The following RTN4RL1 variants were observed in gnomAD, a reference collection of about 807,000 sequenced individuals.
RTN4RL1 encodes reticulon-4 receptor-like 1.
Under a neutral mutation model 25.6 loss-of-function variants are expected in RTN4RL1, and 7 were observed. The ratio of observed to expected loss-of-function variants is 0.27; its 90% CI spans 0.16 to 0.51. RTN4RL1 has a LOEUF of 0.51. RTN4RL1 is among the 20% of genes least tolerant of loss of function. The probability of loss-of-function intolerance (pLI) is 0.97; values close to 1 mark genes in which losing one functional copy is unlikely to be tolerated. For missense variants in RTN4RL1, 500 were observed against 615.6 expected, an observed-to-expected ratio of 0.81 and a Z score of 1.99; for synonymous variants, 297 against 288.2, an observed-to-expected ratio of 1.03 and a Z score of -0.31.
intron 1 of RTN4RL1, among the ~76,000 whole-genome samples, chr17:1,970,901 T>C (rs916959896): frequency 6.6e-6 from 1 of 152,174 alleles, no homozygotes; most frequent in African/African-American, 2.4e-5. Flanking sequence ...ATGAAAGCTG[T>C]AGGAGACCCT....
At chr17:2,006,749 T>TA (rs2151324599) in intron 1 of RTN4RL1, among the ~76,000 whole-genome samples, 1 of 152,356 alleles carries the variant, frequency 6.6e-6, no homozygotes, top group South Asian at 2.1e-4. Context: ...GCCTCCTGAG[T>TA]AGCTAGGATT....
chr17:2,005,738 T>TC (rs1491554898), intron 1 of RTN4RL1, among the ~76,000 whole-genome samples: 41 of 114,770 alleles, frequency 3.6e-4, no homozygotes, highest in East Asian at 6.5e-4. Flanking sequence ...TCTCTCTCTC[T>TC]TTCTCTCTCT....
chr17:2,023,435 T>C (rs1465195987), intron 1 of RTN4RL1, among the ~76,000 whole-genome samples: 1 of 152,164 alleles, frequency 6.6e-6, no homozygotes, highest in Non-Finnish European at 1.5e-5. Flanking sequence ...CGTTTCCCCC[T>C]GAACTGCACC....
At chr17:1,964,916 G>A (rs2151311194) in intron 1 of RTN4RL1, among the ~76,000 whole-genome samples, 1 of 148,078 alleles carries the variant, frequency 6.8e-6, no homozygotes, top group South Asian at 2.2e-4. Context: ...AGCCCTCTGA[G>A]TAACTGGGAC....
At position 1,936,455 on chromosome 17, in the gene RTN4RL1, G is replaced by C; in HGVS notation, c.*41C>G. ...AAGAAGAAAATAAATTCTGTTCCTT[G>C]GTGGACATGTGGCAGTGCTGGGTGC... On this transcript the variant is annotated 3_prime_UTR_variant, in exon 2 of 2. Transcript: ENST00000331238. 6.7e-7 allele frequency: 1 copy of C among 1,497,322 alleles called. No homozygotes were observed. Among genetic ancestry groups the C allele is most frequent in the Non-Finnish European group, 8.8e-7 (1 of 1,132,990 alleles). The allele number at this position is 1,497,322 out of a possible 1,614,324, so 92.8% of individuals were successfully genotyped here. A position where few individuals can be genotyped will look rare whatever the true frequency, so the allele number is the denominator to read the frequency against.
chr17:1,994,081 C>T lies in RTN4RL1; in HGVS notation c.13+30772G>A, dbSNP rs535025764. ...CTGAACCACCCCGTTCCTCAGGACA[C>T]GTGCACTCGAACCTCGCCGCTCCGG... On this transcript the variant is annotated intron_variant, in intron 1 of 1. Coordinates refer to ENST00000331238, the MANE Select transcript of RTN4RL1 (RefSeq NM_178568.4). The surrounding 1 kb of genome is among the most constrained non-coding windows in gnomAD (Gnocchi z 4.3). 2.0e-5 allele frequency among the ~76,000 whole-genome samples: 3 copies of T among 152,218 alleles called. No individual in the cohort carries two copies. The highest frequency in any genetic ancestry group is 1.9e-4 in the East Asian group (1 of 5,176).
chr17:1,972,771 G>A (rs1027019910), intron 1 of RTN4RL1, among the ~76,000 whole-genome samples: 7 of 152,264 alleles, frequency 4.6e-5, no homozygotes, highest in East Asian at 3.9e-4. Context: ...TGGCATCAAC[G>A]CTAACTGTTC....
chr17:1,983,495 C>T (rs2066875907), intron 1 of RTN4RL1, among the ~76,000 whole-genome samples: 1 of 152,234 alleles, frequency 6.6e-6, no homozygotes, highest in Non-Finnish European at 1.5e-5. Context: ...GCCTCCTAGG[C>T]TCAAGCGATC....
At chr17:1,983,759 C>T (rs752225313) in intron 1 of RTN4RL1, among the ~76,000 whole-genome samples, 1 of 151,658 alleles carries the variant, frequency 6.6e-6, no homozygotes. Flanking sequence ...CCAGGATGGT[C>T]TCGAACTCCT....
intron 1 of RTN4RL1, among the ~76,000 whole-genome samples, 154 bp from the exon 2 acceptor site, chr17:1,937,962 G>C (rs993940096): frequency 6.6e-6 from 1 of 152,234 alleles, no homozygotes; most frequent in Non-Finnish European, 1.5e-5. Flanking sequence ...CAAGGCCCAA[G>C]CCTGGAACCC....
At chr17:2,008,066 A>G (rs1336627547) in intron 1 of RTN4RL1, among the ~76,000 whole-genome samples, 3 of 152,172 alleles carry the variant, frequency 2.0e-5, no homozygotes, top group Non-Finnish European at 4.4e-5. Context: ...TGAGGTCAGG[A>G]GTTCGCGACC....
chr17:1,978,129 TG>T (rs2066851300), intron 1 of RTN4RL1, among the ~76,000 whole-genome samples: 1 of 152,174 alleles, frequency 6.6e-6, no homozygotes, highest in African/African-American at 2.4e-5. Context: ...CCATTGCCTG[TG>T]GGGGTCAAGG....
At chr17:1,939,294 A>G (rs371301268) in intron 1 of RTN4RL1, among the ~76,000 whole-genome samples, 1 of 152,070 alleles carries the variant, frequency 6.6e-6, no homozygotes, top group Admixed American at 6.6e-5. Flanking sequence ...TGGAGCTTGC[A>G]GTGAGCTGAG....
chr17:1,956,625 T>G (rs2151308761), intron 1 of RTN4RL1, among the ~76,000 whole-genome samples: 1 of 152,292 alleles, frequency 6.6e-6, no homozygotes, highest in East Asian at 1.9e-4. Context: ...GTTTCTCATT[T>G]TTCACTGTTA....
At chr17:1,963,515 C>A (rs1213486005) in intron 1 of RTN4RL1, among the ~76,000 whole-genome samples, 1 of 152,222 alleles carries the variant, frequency 6.6e-6, no homozygotes, top group Non-Finnish European at 1.5e-5. Flanking sequence ...CCGCCACCTT[C>A]AGGGGCTCCC....
At chr17:2,013,319 A>G (rs2151327171) in intron 1 of RTN4RL1, among the ~76,000 whole-genome samples, 1 of 152,332 alleles carries the variant, frequency 6.6e-6, no homozygotes, top group African/African-American at 2.4e-5. Flanking sequence ...CAGGAGGGCT[A>G]GTGGCAGGGG....
chr17:1,991,241 C>T (rs1360663987), intron 1 of RTN4RL1, among the ~76,000 whole-genome samples: 3 of 151,754 alleles, frequency 2.0e-5, no homozygotes, highest in East Asian at 3.9e-4. Flanking sequence ...CTGTAAGAGG[C>T]GGTAATGGAT....
chr17:1,938,766 C>T (rs1335790950), intron 1 of RTN4RL1, among the ~76,000 whole-genome samples: 1 of 151,608 alleles, frequency 6.6e-6, no homozygotes, highest in East Asian at 2.0e-4. Flanking sequence ...GAAATACAGA[C>T]ATGGCCGGGC....
intron 1 of RTN4RL1, chr17:2,017,709 A>ACACACACACG (rs1555522602): frequency 1.4e-5 from 2 of 145,884 alleles, no homozygotes; most frequent in Admixed American, 6.8e-5. Context: ...ACACACACGC[A>ACACACACACG]CACACACTAT....
Sources: gnomAD v4.1 joint callset for allele counts (sites outside exome capture counted in the v4.1 genomes callset) on GRCh38, gnomAD v4.1.1 for gene constraint, Gnocchi (gnomAD v3.1) non-coding constraint, MANE v1.5 for transcripts, NCBI Gene and HGNC (gene_info 2026-07-23, HGNC 2026-07-21) for gene names.